Variants in LRMDA observed in about 807,000 individuals in gnomAD.
LRMDA encodes the protein leucine-rich melanocyte differentiation-associated protein.
LRMDA carries 18 observed loss-of-function variants against 29.8 expected under a neutral mutation model. That is an observed-to-expected ratio of 0.60 (90% CI 0.42 to 0.90). LRMDA has a LOEUF of 0.90. Ranked by LOEUF, LRMDA falls within the 40% of genes least tolerant of loss-of-function variation. The probability of loss-of-function intolerance (pLI) is 0.00; values close to 1 mark genes in which losing one functional copy is unlikely to be tolerated. For missense variants in LRMDA, 273 were observed against 273.9 expected (o/e 1.00, Z 0.02); for synonymous variants, 125 against 109.4 (o/e 1.14, Z -0.89).
intron 5 of LRMDA, among the ~76,000 whole-genome samples, chr10:76,268,763 G>A (rs1171858137): frequency 2.0e-5 from 3 of 152,126 alleles, no homozygotes; most frequent in African/African-American, 7.2e-5. Flanking sequence ...CATTGCATCA[G>A]GGAAATCTCT....
chr10:76,421,838 G>T (rs555838978), intron 6 of LRMDA, among the ~76,000 whole-genome samples: 1 of 152,014 alleles, frequency 6.6e-6, no homozygotes, highest in Non-Finnish European at 1.5e-5. Flanking sequence ...TTGTCTCTTC[G>T]TATGCCACAT....
At chr10:75,737,584 C>G (rs927914673) in intron 2 of LRMDA, among the ~76,000 whole-genome samples, 1 of 152,148 alleles carries the variant, frequency 6.6e-6, no homozygotes, top group African/African-American at 2.4e-5. Flanking sequence ...TGTTTTTAAA[C>G]CCAGAGATAC....
intron 6 of LRMDA, among the ~76,000 whole-genome samples, chr10:76,458,973 GA>G (rs1434715339): frequency 1.3e-5 from 2 of 152,126 alleles, no homozygotes; most frequent in Non-Finnish European, 2.9e-5. Flanking sequence ...ATAGCACTAA[GA>G]AATCAGTAAA....
chr10:76,076,762 C>A (rs766583830), intron 5 of LRMDA, among the ~76,000 whole-genome samples: 3 of 152,122 alleles, frequency 2.0e-5, no homozygotes, highest in Non-Finnish European at 2.9e-5. Context: ...TCAACCAATG[C>A]CAGGTCCCTA....
intron 5 of LRMDA, among the ~76,000 whole-genome samples, chr10:76,323,317 C>T (rs1189509872): frequency 6.6e-6 from 1 of 151,778 alleles, no homozygotes; most frequent in Non-Finnish European, 1.5e-5. Flanking sequence ...GTTTTGATTC[C>T]TATAATATAG....
At chr10:75,711,055 T>C (rs1367036274) in intron 2 of LRMDA, among the ~76,000 whole-genome samples, 1 of 152,208 alleles carries the variant, frequency 6.6e-6, no homozygotes, top group Non-Finnish European at 1.5e-5. Context: ...AATAAAAAAG[T>C]GAATAGTCTC....
chr10:76,448,390 G>T (rs1842373598), intron 6 of LRMDA, among the ~76,000 whole-genome samples: 1 of 152,068 alleles, frequency 6.6e-6, no homozygotes, highest in Non-Finnish European at 1.5e-5. Context: ...AAATTAACAA[G>T]TAATTACTTA....
intron 2 of LRMDA, among the ~76,000 whole-genome samples, chr10:75,558,014 C>A (rs1007334416): frequency 1.3e-5 from 2 of 152,102 alleles, no homozygotes; most frequent in Admixed American, 6.6e-5. Flanking sequence ...TTTCGTAGTT[C>A]TCTGATGAGG....
At chr10:76,307,713 ACT>A (rs1159025589) in intron 5 of LRMDA, among the ~76,000 whole-genome samples, 1 of 151,890 alleles carries the variant, frequency 6.6e-6, no homozygotes, top group Non-Finnish European at 1.5e-5. Flanking sequence ...GGAAAGAGAA[ACT>A]CTTTCTTTTG....
At chr10:76,001,359 T>C (rs1393866349) in intron 2 of LRMDA, among the ~76,000 whole-genome samples, 1 of 152,222 alleles carries the variant, frequency 6.6e-6, no homozygotes, top group Admixed American at 6.5e-5. Context: ...GCACTGTTAC[T>C]TTAGAAGCCC....
intron 5 of LRMDA, among the ~76,000 whole-genome samples, chr10:76,310,392 T>C (rs973313530): frequency 3.9e-5 from 6 of 152,152 alleles, no homozygotes; most frequent in Non-Finnish European, 7.4e-5. Context: ...TTTAGAATGA[T>C]TGGGAAACAA....
intron 2 of LRMDA, among the ~76,000 whole-genome samples, chr10:75,494,521 T>C (rs545814439): frequency 6.9e-6 from 1 of 144,496 alleles, no homozygotes; most frequent in South Asian, 2.2e-4. Context: ...GTTCCTTTTT[T>C]TTTTTTTTTT....
Position 76,157,214 on chromosome 10 carries a change from G to A in LRMDA, c.516+98431G>A, listed in dbSNP as rs142922739. Among the ~76,000 whole-genome samples, 1,000 of 152,224 alleles carry A rather than the reference G, an allele frequency of 6.6e-3. 12 individuals carry two copies. The highest frequency in any genetic ancestry group is 0.022 in the African/African-American group (915 of 41,546). ...AATACAAAGATGATCCAGTTTCCAC[G>A]TCAGGAAATAAGCTTCTAGATCTCA... On this transcript the variant is annotated intron_variant, in intron 5 of 6. Coordinates refer to ENST00000611255, the MANE Select transcript of LRMDA (RefSeq NM_001305581.2).
chr10:76,378,858 C>CTTTTTTTTTTTTTTTTT (rs144037195), intron 6 of LRMDA, among the ~76,000 whole-genome samples: 104 of 118,924 alleles, frequency 8.7e-4, no homozygotes, highest in Non-Finnish European at 1.1e-3. Context: ...CTTTTTTTTT[C>CTTTTTTTTTTTTTTTTT]TTTTTTTTTT....
intron 6 of LRMDA, among the ~76,000 whole-genome samples, chr10:76,347,035 G>A (rs558867161): frequency 6.6e-6 from 1 of 152,126 alleles, no homozygotes; most frequent in Non-Finnish European, 1.5e-5. Context: ...ATGTCTAATT[G>A]GAGATATCTG....
At chr10:75,561,978 G>C (rs1436423533) in intron 2 of LRMDA, among the ~76,000 whole-genome samples, 1 of 152,028 alleles carries the variant, frequency 6.6e-6, no homozygotes, top group Non-Finnish European at 1.5e-5. Context: ...GAATAGGTGT[G>C]GTGTGGTGCT....
At chr10:76,288,191 T>A (rs1336501387) in intron 5 of LRMDA, among the ~76,000 whole-genome samples, 5 of 152,198 alleles carry the variant, frequency 3.3e-5, no homozygotes, top group African/African-American at 4.8e-5. Flanking sequence ...ATACACTGCT[T>A]GTAAATTAGT....
At chr10:75,566,632 C>T (rs1184492662) in intron 2 of LRMDA, among the ~76,000 whole-genome samples, 5 of 152,144 alleles carry the variant, frequency 3.3e-5, no homozygotes, top group Non-Finnish European at 1.5e-5. Flanking sequence ...CTCCTTTTGA[C>T]TTCTTTAATG....
intron 2 of LRMDA, among the ~76,000 whole-genome samples, chr10:75,954,348 C>T (rs1020464018): frequency 1.3e-5 from 2 of 152,110 alleles, no homozygotes; most frequent in Non-Finnish European, 2.9e-5. Context: ...TGATAGGCAG[C>T]CCCCCACCGT....
Sources: gnomAD v4.1 joint callset for allele counts (sites outside exome capture counted in the v4.1 genomes callset) on GRCh38, gnomAD v4.1.1 for gene constraint, MANE v1.5 for transcripts, NCBI Gene and HGNC (gene_info 2026-07-23, HGNC 2026-07-21) for gene names.